The following VPS50 variants were observed in gnomAD, a reference collection of about 807,000 sequenced individuals.
The protein encoded by VPS50 is syndetin.
VPS50 carries 70 observed loss-of-function variants against 139.7 expected under a neutral mutation model. The ratio of observed to expected loss-of-function variants is 0.50; its 90% confidence interval spans 0.41 to 0.61. VPS50 has a LOEUF of 0.61. Ranked by LOEUF, VPS50 falls within the 20% of genes least tolerant of loss-of-function variation. VPS50 has a pLI of 0.00. For synonymous variants in VPS50, 365 were observed against 376.7 expected (o/e 0.97, Z 0.36); for missense variants, 921 against 1,133.7 (o/e 0.81, Z 2.69).
At chr7:93,279,260 T>A (rs934875302) in intron 12 of VPS50, among the ~76,000 whole-genome samples, 1 of 152,198 alleles carries the variant, frequency 6.6e-6, no homozygotes, top group African/African-American at 2.4e-5. Flanking sequence ...TGAGTCATAT[T>A]TGATGGTTAA....
chr7:93,240,250 C>CA (rs1491153066), intron 2 of VPS50, among the ~76,000 whole-genome samples: 2 of 110,538 alleles, frequency 1.8e-5, no homozygotes, highest in African/African-American at 1.1e-4. Flanking sequence ...CACACACACA[C>CA]TCTCTCTCTC....
intron 20 of VPS50, among the ~76,000 whole-genome samples, chr7:93,319,277 C>T (rs1021745016): frequency 3.3e-5 from 5 of 152,100 alleles, no homozygotes; most frequent in South Asian, 2.1e-4. Context: ...AACCACACTT[C>T]TCTCTGTGTC....
chr7:93,355,096 C>T lies in VPS50; in HGVS notation c.2586-795C>T, dbSNP rs1473970532. ...CGAAATGTGAATAATATATGTAATA[C>T]TTCTGTATAAAATACTCTTTTTTAA... On this transcript the variant is annotated intron_variant, in intron 26 of 27. Transcript: ENST00000305866. Among the ~76,000 whole-genome samples the T allele has an allele frequency of 2.0e-5, 3 of 146,908 alleles. No homozygotes were observed. In the East Asian group the frequency reaches 6.0e-4, roughly 29 times the overall value.
intron 2 of VPS50, among the ~76,000 whole-genome samples, chr7:93,246,912 A>C (rs1404479387): frequency 6.6e-6 from 1 of 151,946 alleles, no homozygotes; most frequent in Non-Finnish European, 1.5e-5. Flanking sequence ...ATTGTTTTAC[A>C]TAGCTGAATC....
chr7:93,345,507 G>A (rs977228652), intron 23 of VPS50, among the ~76,000 whole-genome samples: 4 of 152,032 alleles, frequency 2.6e-5, no homozygotes, highest in South Asian at 2.1e-4. Flanking sequence ...TACCAAAGCC[G>A]GGCAGAGACA....
chr7:93,326,836 T>C (rs1303445949), intron 21 of VPS50, among the ~76,000 whole-genome samples: 1 of 152,150 alleles, frequency 6.6e-6, no homozygotes, highest in Non-Finnish European at 1.5e-5. Flanking sequence ...ATTATATAAA[T>C]ATTTATATCC....
intron 27 of VPS50, 89 bp downstream of exon 27, chr7:93,356,169 G>C (rs887050081): frequency 1.6e-6 from 1 of 631,820 alleles, no homozygotes; most frequent in Non-Finnish European, 2.6e-6. Context: ...AAAATCATGA[G>C]AGTGAAATAT....
intron 22 of VPS50, among the ~76,000 whole-genome samples, chr7:93,338,485 T>C (rs1215998065): frequency 6.6e-6 from 1 of 152,188 alleles, no homozygotes; most frequent in Non-Finnish European, 1.5e-5. Context: ...GCCACCCTTA[T>C]TCAACAAATG....
intron 18 of VPS50, 105 bp from the exon 19 acceptor site, chr7:93,308,719 T>A: frequency 2.1e-6 from 1 of 483,578 alleles, no homozygotes; most frequent in Non-Finnish European, 3.8e-6. Flanking sequence ...AGAATTTTCT[T>A]GTATTTAGCT....
chr7:93,334,466 A>G (rs1798020684), intron 22 of VPS50, among the ~76,000 whole-genome samples: 1 of 152,226 alleles, frequency 6.6e-6, no homozygotes, highest in Non-Finnish European at 1.5e-5. Flanking sequence ...GAGGAGGACT[A>G]AAGGAAGAAG....
intron 12 of VPS50, among the ~76,000 whole-genome samples, chr7:93,284,992 CAG>C: frequency 6.6e-6 from 1 of 152,220 alleles, no homozygotes; most frequent in East Asian, 1.9e-4. Context: ...TCCATAGGTC[CAG>C]AGTTACCCCC....
intron 22 of VPS50, among the ~76,000 whole-genome samples, chr7:93,340,002 A>G (rs1340380740): frequency 6.6e-6 from 1 of 152,136 alleles, no homozygotes; most frequent in Non-Finnish European, 1.5e-5. Flanking sequence ...AAGTATAATG[A>G]CCATTTGTAA....
chr7:93,322,923 C>CTGAT (rs1165482257), intron 20 of VPS50, among the ~76,000 whole-genome samples: 3 of 152,018 alleles, frequency 2.0e-5, no homozygotes, highest in Admixed American at 1.3e-4. Flanking sequence ...GTGAGTATAT[C>CTGAT]TGATTATATA....
intron 9 of VPS50, among the ~76,000 whole-genome samples, chr7:93,261,171 A>C (rs955629798): frequency 1.3e-5 from 2 of 152,174 alleles, no homozygotes; most frequent in African/African-American, 4.8e-5. Context: ...CAAAGCATCC[A>C]TTTAGTTCAT....
intron 21 of VPS50, among the ~76,000 whole-genome samples, chr7:93,328,940 C>A (rs984128185): frequency 6.6e-6 from 1 of 152,018 alleles, no homozygotes; most frequent in African/African-American, 2.4e-5. Context: ...AAAATATAAA[C>A]GGAGACCAAA....
rs1257004271 is a variant in VPS50 at position 93,334,040 on chromosome 7, A to T, written c.1978-77A>T. The T allele has an allele frequency of 4.7e-6, 4 of 848,886 alleles. No homozygotes were observed. The African/African-American group carries it at 6.8e-5, about 14-fold the overall frequency. The allele number at this position is 848,886 out of a possible 1,614,324, so 52.6% of individuals were successfully genotyped here. A position where few individuals can be genotyped will look rare whatever the true frequency, so the allele number is the denominator to read the frequency against. On this transcript the variant is annotated intron_variant, in intron 21 of 27. Coordinates refer to ENST00000305866, the MANE Select transcript of VPS50 (RefSeq NM_017667.4). ...AAGTATCTGAGTGAAAACTCATCAA[A>T]TATCTTGGTTAATTTGAAGATGTAA...
intron 9 of VPS50, among the ~76,000 whole-genome samples, chr7:93,269,089 G>A (rs532872373): frequency 2.0e-5 from 3 of 152,184 alleles, no homozygotes; most frequent in African/African-American, 7.2e-5. Context: ...ACAGCTCTGA[G>A]GGAGAGAAGA....
chr7:93,268,640 C>T (rs1795913965), intron 9 of VPS50, among the ~76,000 whole-genome samples: 1 of 152,126 alleles, frequency 6.6e-6, no homozygotes, highest in Non-Finnish European at 1.5e-5. Flanking sequence ...ATCCATGTCC[C>T]TGCAAAGGAC....
chr7:93,294,540 T>C lies in VPS50; in HGVS notation c.1076-5T>C. 6.6e-7 allele frequency: 1 copy of C among 1,517,926 alleles called. No individual in the cohort carries two copies. Among genetic ancestry groups the C allele is most frequent in the Non-Finnish European group, 8.8e-7 (1 of 1,136,228 alleles). The allele number at this position is 1,517,926 out of a possible 1,614,324, so 94.0% of individuals were successfully genotyped here. Reference sequence around the variant, plus strand: ...CTAAAAATATATATTGTCTTTTATTTTCAGAAGGGAGTAATATGATAGGTA... The same window carrying C: ...CTAAAAATATATATTGTCTTTTATTCTCAGAAGGGAGTAATATGATAGGTA... On this transcript the variant is annotated splice_polypyrimidine_tract_variant and splice_region_variant and intron_variant, in intron 13 of 27. Coordinates refer to ENST00000305866, the MANE Select transcript of VPS50 (RefSeq NM_017667.4).
Sources: allele counts gnomAD v4.1 joint callset (sites outside exome capture counted in the v4.1 genomes callset), GRCh38; gene constraint gnomAD v4.1.1; transcripts MANE v1.5; gene names NCBI Gene and HGNC (gene_info 2026-07-23, HGNC 2026-07-21).